PRR5L: variants seen among roughly 807,000 people sequenced by gnomAD.
PRR5L encodes the protein proline rich 5 like, also known as proline-rich protein 5-like.
Under a neutral mutation model 36.4 loss-of-function variants are expected in PRR5L, and 21 were observed. The observed-to-expected ratio is 0.58, with a 90% CI of 0.41 to 0.83. The LOEUF (loss-of-function observed/expected upper bound fraction) is 0.83, where lower values mean the gene tolerates loss of function less well. Ranked by LOEUF, PRR5L falls within the 40% of genes least tolerant of loss-of-function variation. The pLI, the probability that PRR5L is intolerant of heterozygous loss-of-function variation, is 0.00. For missense variants in PRR5L, 381 were observed against 473.3 expected (o/e 0.80, Z 1.81); for synonymous variants, 188 against 197.0 (o/e 0.95, Z 0.38).
At chr11:36,320,358 C>T (rs1161791640) in intron 1 of PRR5L, among the ~76,000 whole-genome samples, 2 of 151,474 alleles carry the variant, frequency 1.3e-5, no homozygotes, top group African/African-American at 4.9e-5. Context: ...ATTCTCCTGC[C>T]TCAGCCTCCC....
At chr11:36,370,139 C>A (rs956206370) in intron 1 of PRR5L, among the ~76,000 whole-genome samples, 3 of 152,204 alleles carry the variant, frequency 2.0e-5, no homozygotes, top group Admixed American at 2.0e-4. Flanking sequence ...CCCACCCCAC[C>A]TGTTTCCTAT....
chr11:36,428,776 C>A (rs1005865024), intron 4 of PRR5L, among the ~76,000 whole-genome samples: 2 of 152,058 alleles, frequency 1.3e-5, no homozygotes, highest in African/African-American at 4.8e-5. Flanking sequence ...TTTCAAGATG[C>A]CTTTGAAAGG....
At chr11:36,393,316 T>C (rs1857597702) in intron 1 of PRR5L, among the ~76,000 whole-genome samples, 1 of 152,236 alleles carries the variant, frequency 6.6e-6, no homozygotes, top group African/African-American at 2.4e-5. Context: ...TAGTATAAGG[T>C]CTTAGGTTTA....
intron 6 of PRR5L, among the ~76,000 whole-genome samples, chr11:36,442,406 A>G (rs1858741259): frequency 1.3e-5 from 2 of 151,962 alleles, no homozygotes; most frequent in South Asian, 4.2e-4. Flanking sequence ...CAGTGGCACA[A>G]TCTCAGCTCA....
intron 1 of PRR5L, among the ~76,000 whole-genome samples, chr11:36,303,216 T>A (rs1338170894): frequency 6.6e-6 from 1 of 152,086 alleles, no homozygotes; most frequent in Non-Finnish European, 1.5e-5. Context: ...ATAACAGTGG[T>A]GATGGAGAGA....
At chr11:36,394,877 C>A (rs1170479618) in intron 1 of PRR5L, among the ~76,000 whole-genome samples, 1 of 152,176 alleles carries the variant, frequency 6.6e-6, no homozygotes, top group Non-Finnish European at 1.5e-5. Flanking sequence ...AGATGTTTTT[C>A]TGCCTACCAC....
chr11:36,305,977 G>T (rs1248970834), intron 1 of PRR5L, among the ~76,000 whole-genome samples: 2 of 152,204 alleles, frequency 1.3e-5, no homozygotes, highest in Non-Finnish European at 2.9e-5. Flanking sequence ...GTATAAAGGT[G>T]CTGGCACTTT....
intron 1 of PRR5L, among the ~76,000 whole-genome samples, chr11:36,362,654 T>G (rs1162540604): frequency 2.6e-5 from 4 of 152,198 alleles, no homozygotes; most frequent in Admixed American, 6.5e-5. Context: ...CCTTCTTCTC[T>G]CCACCCATCT....
At position 36,343,982 on chromosome 11, in the gene PRR5L, C is replaced by T. The variant is rs181382760; in HGVS notation, c.-126+47544C>T. Among the ~76,000 whole-genome samples, 357 of 151,778 alleles carry T rather than the reference C, an allele frequency of 2.4e-3. 2 individuals are homozygous for T. The highest frequency in any genetic ancestry group is 0.021 in the Admixed American group (313 of 15,252). ...CTGTAATTCGAGCACTTTGGGAGGCCGAGGCGGGTGGATCACCTGAAGTCA... is the reference window on the plus strand; with the variant it reads ...CTGTAATTCGAGCACTTTGGGAGGCTGAGGCGGGTGGATCACCTGAAGTCA... On this transcript the variant is annotated intron_variant, in intron 1 of 8. Coordinates refer to ENST00000530639, the MANE Select transcript of PRR5L (RefSeq NM_001160167.2).
At chr11:36,410,680 C>T (rs12270583) in intron 3 of PRR5L, among the ~76,000 whole-genome samples, 4 of 152,178 alleles carry the variant, frequency 2.6e-5, no homozygotes, top group Non-Finnish European at 4.4e-5. Context: ...ACTAGGATGC[C>T]GACACCCGAA....
At chr11:36,400,601 A>C (rs1564936759) in intron 1 of PRR5L, among the ~76,000 whole-genome samples, 1 of 152,212 alleles carries the variant, frequency 6.6e-6, no homozygotes, top group Non-Finnish European at 1.5e-5. Flanking sequence ...ATGGTCATCA[A>C]TGCCAGGATG....
chr11:36,388,694 CTTTCTTTTTTT>C (rs1257617803), intron 1 of PRR5L, among the ~76,000 whole-genome samples: 11 of 112,822 alleles, frequency 9.7e-5, no homozygotes, highest in Admixed American at 6.3e-4. Context: ...TCGGCTCTTT[CTTTCTTTTTTT>C]TTTTTTTTTT....
rs1227788385 is a variant in PRR5L at position 36,451,531 on chromosome 11, T to A, written c.712+196T>A. Reference sequence around the variant, plus strand: ...CTGGCCTCTGGAGGTTGCAGTAACCTTCTCCCCCTTGATGATTCCTCCCCA... The same window carrying A: ...CTGGCCTCTGGAGGTTGCAGTAACCATCTCCCCCTTGATGATTCCTCCCCA... On this transcript the variant is annotated intron_variant, in intron 8 of 8. Coordinates refer to ENST00000530639, the MANE Select transcript of PRR5L (RefSeq NM_001160167.2). Among the ~76,000 whole-genome samples the A allele has an allele frequency of 3.3e-5, 5 of 152,314 alleles. No individual in the cohort carries two copies. In the East Asian group the frequency reaches 7.7e-4, roughly 23 times the overall value.
At chr11:36,316,803 A>G (rs1313530805) in intron 1 of PRR5L, among the ~76,000 whole-genome samples, 1 of 152,204 alleles carries the variant, frequency 6.6e-6, no homozygotes, top group Non-Finnish European at 1.5e-5. Flanking sequence ...TGTTAGTCCT[A>G]CAAAGGCAGA....
chr11:36,416,745 C>T (rs560200921), intron 3 of PRR5L, among the ~76,000 whole-genome samples: 1 of 152,290 alleles, frequency 6.6e-6, no homozygotes, highest in South Asian at 2.1e-4. Flanking sequence ...CTGTGGCTTG[C>T]TGCACCCTAG....
At chr11:36,328,064 T>C (rs1031351586) in intron 1 of PRR5L, among the ~76,000 whole-genome samples, 1 of 152,234 alleles carries the variant, frequency 6.6e-6, no homozygotes, top group Non-Finnish European at 1.5e-5. Context: ...AGTTTGCCTT[T>C]TCTGTCAACA....
In PRR5L at chr11:36,377,363, G is replaced by A. The variant is rs548441897; in HGVS notation, c.-125-23634G>A. On this transcript the variant is annotated intron_variant, in intron 1 of 8. Transcript: ENST00000530639. The surrounding 1 kb of genome is among the most constrained non-coding windows in gnomAD (Gnocchi z 5.1). The stretch of plus-strand genomic sequence containing the variant: ...GCGGACCCCGCGCTGGGAGTCCGCA[G>A]TATCCCCCTTCCGTTTTATTTCTCC... Among the ~76,000 whole-genome samples, 399 of 152,332 alleles carry A rather than the reference G, an allele frequency of 2.6e-3. 1 individual carries two copies. Among genetic ancestry groups the A allele is most frequent in the African/African-American group, 9.3e-3 (386 of 41,592 alleles).
intron 1 of PRR5L, among the ~76,000 whole-genome samples, chr11:36,350,642 A>T (rs973109880): frequency 6.6e-6 from 1 of 151,680 alleles, no homozygotes; most frequent in Non-Finnish European, 1.5e-5. Flanking sequence ...CCGTCACGCG[A>T]GCAGTGTACA....
At chr11:36,416,990 T>C (rs1433906815) in intron 3 of PRR5L, among the ~76,000 whole-genome samples, 2 of 152,006 alleles carry the variant, frequency 1.3e-5, no homozygotes, top group East Asian at 3.9e-4. Context: ...TCTCCAGGAG[T>C]GTGTCCATAG....
Sources: gnomAD v4.1 joint callset for allele counts (sites outside exome capture counted in the v4.1 genomes callset) on GRCh38, gnomAD v4.1.1 for gene constraint, Gnocchi (gnomAD v3.1) non-coding constraint, MANE v1.5 for transcripts, NCBI Gene and HGNC (gene_info 2026-07-23, HGNC 2026-07-21) for gene names.